ZMAT4: variants seen among roughly 807,000 people sequenced by gnomAD.
ZMAT4 encodes zinc finger matrin-type 4.
In ZMAT4, 17 loss-of-function variants were observed where a neutral mutation model predicts 28.7. That is an observed-to-expected ratio of 0.59 (90% CI 0.41 to 0.89). The LOEUF (loss-of-function observed/expected upper bound fraction) is 0.89. Among genes scored for constraint, ZMAT4 ranks in the 40% least tolerant of loss-of-function variants. The pLI, the probability that ZMAT4 is intolerant of heterozygous loss-of-function variation, is 0.00. For missense variants in ZMAT4, 240 were observed against 283.8 expected, an observed-to-expected ratio of 0.85 and a Z score of 1.11; for synonymous variants, 117 against 109.2, an observed-to-expected ratio of 1.07 and a Z score of -0.44.
At chr8:40,797,298 T>G (rs1814642066) in intron 2 of ZMAT4, among the ~76,000 whole-genome samples, 1 of 152,052 alleles carries the variant, frequency 6.6e-6, no homozygotes, top group South Asian at 2.1e-4. Context: ...GCCACTTGAG[T>G]GATATGACAC....
intron 5 of ZMAT4, among the ~76,000 whole-genome samples, chr8:40,624,211 A>G (rs1430379998): frequency 1.3e-5 from 2 of 152,250 alleles, no homozygotes; most frequent in Non-Finnish European, 2.9e-5. Flanking sequence ...TCGCAAGGGT[A>G]GAGCTTCAAT....
Position 40,612,410 on chromosome 8 carries a change from C to T in ZMAT4, c.578-31149G>A, listed in dbSNP as rs1287878141. Among the ~76,000 whole-genome samples the T allele has an allele frequency of 2.9e-5, 4 of 137,820 alleles. 2 individuals carry two copies. Among genetic ancestry groups the T allele is most frequent in the Non-Finnish European group, 6.7e-5 (4 of 59,354 alleles). 90.4% of individuals were successfully genotyped at this position (137,820 alleles called of 152,430 possible). A position where few individuals can be genotyped will look rare whatever the true frequency, so the allele number is the denominator to read the frequency against. On this transcript the variant is annotated intron_variant, in intron 5 of 6. Coordinates refer to ENST00000297737, the MANE Select transcript of ZMAT4 (RefSeq NM_024645.3). The stretch of plus-strand genomic sequence containing the variant: ...ATTTCTAAGTTGTCCATAGCACTGG[C>T]AACCCATCCAAATTTCCTTTATGGA...
intron 2 of ZMAT4, among the ~76,000 whole-genome samples, chr8:40,794,822 G>A (rs1814517876): frequency 6.6e-6 from 1 of 152,056 alleles, no homozygotes; most frequent in Non-Finnish European, 1.5e-5. Flanking sequence ...CATCGTCAAG[G>A]GGTTGTGCTT....
intron 3 of ZMAT4, among the ~76,000 whole-genome samples, chr8:40,716,885 A>G (rs1810882163): frequency 6.6e-6 from 1 of 152,068 alleles, no homozygotes; most frequent in Non-Finnish European, 1.5e-5. Flanking sequence ...TGTCATTAGC[A>G]GTTTCTCCAG....
At chr8:40,544,121 T>C (rs1803124655) in intron 6 of ZMAT4, among the ~76,000 whole-genome samples, 1 of 152,160 alleles carries the variant, frequency 6.6e-6, no homozygotes. Context: ...AACTCTGCCC[T>C]GGCCAGCACT....
At chr8:40,582,631 TTCC>T (rs1370268862) in intron 5 of ZMAT4, among the ~76,000 whole-genome samples, 2 of 152,362 alleles carry the variant, frequency 1.3e-5, no homozygotes, top group African/African-American at 4.8e-5. Context: ...GGCAAAGTTA[TTCC>T]TCTTTTCCTG....
intron 3 of ZMAT4, among the ~76,000 whole-genome samples, chr8:40,742,122 G>A (rs953939148): frequency 6.6e-5 from 10 of 151,420 alleles, no homozygotes; most frequent in Admixed American, 2.0e-4. Flanking sequence ...GCTGGGTGTG[G>A]TTGCACCTGA....
chr8:40,837,615 G>A (rs928968850), intron 1 of ZMAT4, among the ~76,000 whole-genome samples: 3 of 152,182 alleles, frequency 2.0e-5, no homozygotes, highest in African/African-American at 7.2e-5. Context: ...AGAGTCCAGA[G>A]ACCAAACCTA....
chr8:40,676,345 G>A (rs1017946782), intron 4 of ZMAT4, among the ~76,000 whole-genome samples: 9 of 151,934 alleles, frequency 5.9e-5, no homozygotes, highest in African/African-American at 1.7e-4. Context: ...AAAATATTCC[G>A]ATCCAAATAT....
Position 40,601,454 on chromosome 8 carries a change from AAGGG to A in ZMAT4, c.578-20197_578-20194del, listed in dbSNP as rs1195346713. Among the ~76,000 whole-genome samples, 65 of 88,732 alleles carry A rather than the reference AAGGG, an allele frequency of 7.3e-4. 4 individuals are homozygous for A. The Middle Eastern group carries it at 0.019, about 26-fold the overall frequency. 58.2% of individuals were successfully genotyped at this position (88,732 alleles called of 152,430 possible). A position where few individuals can be genotyped will look rare whatever the true frequency, so the allele number is the denominator to read the frequency against. On this transcript the variant is annotated intron_variant, in intron 5 of 6. Transcript: ENST00000297737. ...GAAGGAAGGAAGGAAGGAAGGAAGG[AAGGG>A]AGGAAGAAAGGAAAGAAAGAAAGAA... is the stretch of plus-strand genomic sequence containing the variant.
intron 1 of ZMAT4, among the ~76,000 whole-genome samples, chr8:40,851,921 G>A (rs189082829): frequency 1.3e-3 from 204 of 152,132 alleles, no homozygotes; most frequent in African/African-American, 4.7e-3. Context: ...TTTTGAGATG[G>A]GGTCTCACTC....
In ZMAT4 at chr8:40,590,053, C is replaced by T. The variant is rs1804837990; in HGVS notation, c.578-8792G>A. 2.1e-5 allele frequency among the ~76,000 whole-genome samples: 3 copies of T among 140,406 alleles called. No individual in the cohort carries two copies. The South Asian group carries it at 6.8e-4, about 32-fold the overall frequency. 92.1% of individuals were successfully genotyped at this position (140,406 alleles called of 152,430 possible). On this transcript the variant is annotated intron_variant, in intron 5 of 6. Transcript: ENST00000297737. ...CCCTTCCTTTTTAGATGAGGACTTG[C>T]TCTGCACCCAGGATAGAATACAGTG...
At chr8:40,577,454 T>C (rs565960729) in intron 6 of ZMAT4, among the ~76,000 whole-genome samples, 33 of 152,170 alleles carry the variant, frequency 2.2e-4, no homozygotes, top group Non-Finnish European at 3.4e-4. Context: ...TTCTCACTCA[T>C]ATGAAAGCTA....
At chr8:40,537,009 A>G (rs1199449871) in intron 6 of ZMAT4, among the ~76,000 whole-genome samples, 1 of 152,182 alleles carries the variant, frequency 6.6e-6, no homozygotes, top group East Asian at 1.9e-4. Context: ...ATAGCTCTGT[A>G]TGACAACCAA....
rs1377183299 is a variant in ZMAT4, at chr8:40,833,365, C to T, written c.-4-7685G>A. On this transcript the variant is annotated intron_variant, in intron 1 of 6. Coordinates refer to ENST00000297737, the MANE Select transcript of ZMAT4 (RefSeq NM_024645.3). ...TGGGCAGATTATGAGGTCAGGAGTTCGAGACCAGCCTGATCAACATGGTGA... is the reference window on the plus strand; with the variant it reads ...TGGGCAGATTATGAGGTCAGGAGTTTGAGACCAGCCTGATCAACATGGTGA... Among the ~76,000 whole-genome samples, 5 of 152,002 alleles carry T rather than the reference C, an allele frequency of 3.3e-5. No homozygotes were observed. In the East Asian group the frequency reaches 5.8e-4, roughly 18 times the overall value.
chr8:40,822,027 A>G (rs1421684196), intron 2 of ZMAT4, among the ~76,000 whole-genome samples: 3 of 152,258 alleles, frequency 2.0e-5, no homozygotes, highest in Admixed American at 2.0e-4. Flanking sequence ...AAAGTGTAAT[A>G]TGCAAATATC....
In ZMAT4 at chr8:40,825,578, G is replaced by C; in HGVS notation, c.99C>G (p.Tyr33Ter). Reference sequence around the variant, plus strand: ...GAGTGGGAAACGCTGTCCTTACCTCGTAGTGGGCCACACGCTGCGATTCGG... The same window carrying C: ...GAGTGGGAAACGCTGTCCTTACCTCCTAGTGGGCCACACGCTGCGATTCGG... ...LISESQRVAH[Y>*]ESRKHASKVR... The change falls in exon 2 of 7, where the codon TAC becomes TAG. Residue 33 changes from tyrosine (Y) to a stop codon, truncating the protein, a stop_gained. Coordinates refer to ENST00000297737, the MANE Select transcript of ZMAT4 (RefSeq NM_024645.3). LOFTEE classifies it high-confidence loss of function. 1 of 1,552,012 alleles carries C rather than the reference G, an allele frequency of 6.4e-7. No homozygotes were observed. The highest frequency in any genetic ancestry group is 8.7e-7 in the Non-Finnish European group (1 of 1,147,130).
chr8:40,785,779 G>A (rs1418433569), intron 2 of ZMAT4, among the ~76,000 whole-genome samples: 2 of 152,044 alleles, frequency 1.3e-5, no homozygotes, highest in South Asian at 4.1e-4. Flanking sequence ...TCATCCTAAC[G>A]TTATTGGGCA....
In ZMAT4 at chr8:40,598,686, G is replaced by A. The variant is rs182300536; in HGVS notation, c.578-17425C>T. On this transcript the variant is annotated intron_variant, in intron 5 of 6. Transcript: ENST00000297737. ...CTGCAATAAACATACGTTGCACAAT[G>A]TATATTTTTAAAGGGTATAATGAAT... Among the ~76,000 whole-genome samples the A allele has an allele frequency of 4.6e-5, 7 of 152,250 alleles. No individual in the cohort carries two copies. The East Asian group carries it at 1.4e-3, about 29-fold the overall frequency.
Sources: gnomAD v4.1 joint callset for allele counts (sites outside exome capture counted in the v4.1 genomes callset) on GRCh38, gnomAD v4.1.1 for gene constraint, MANE v1.5 for transcripts, NCBI Gene and HGNC (gene_info 2026-07-23, HGNC 2026-07-21) for gene names.